The following BMPR1B variants were observed in gnomAD, a reference collection of about 807,000 sequenced individuals.
BMPR1B encodes bone morphogenetic protein receptor type-1B.
A neutral mutation model predicts 59.1 loss-of-function variants in BMPR1B; 12 were observed. The ratio of observed to expected loss-of-function variants is 0.20; its 90% CI spans 0.13 to 0.33. The LOEUF (loss-of-function observed/expected upper bound fraction) is 0.33. BMPR1B is among the 10% of genes least tolerant of loss of function. The probability of loss-of-function intolerance (pLI) is 1.00; values close to 1 mark genes in which losing one functional copy is unlikely to be tolerated. For synonymous variants in BMPR1B, 237 were observed against 207.3 expected (o/e 1.14, Z -1.23); for missense variants, 550 against 610.9 (o/e 0.90, Z 1.05).
chr4:95,083,124 A>G (rs1440413905), intron 3 of BMPR1B, among the ~76,000 whole-genome samples: 1 of 149,556 alleles, frequency 6.7e-6, no homozygotes, highest in African/African-American at 2.4e-5. Flanking sequence ...ACCTCATTTT[A>G]TTGATAAGGT....
intron 2 of BMPR1B, among the ~76,000 whole-genome samples, chr4:94,924,066 A>G (rs1363851891): frequency 6.6e-6 from 1 of 152,150 alleles, no homozygotes; most frequent in Non-Finnish European, 1.5e-5. Flanking sequence ...CATTTTTGGA[A>G]GAAATCCTTG....
intron 2 of BMPR1B, among the ~76,000 whole-genome samples, chr4:94,921,109 A>C (rs1290787910): frequency 6.6e-6 from 1 of 152,094 alleles, no homozygotes; most frequent in Non-Finnish European, 1.5e-5. Flanking sequence ...CTACACCCTC[A>C]CTAGGCCTTG....
At chr4:95,140,367 C>T (rs985568023) in intron 10 of BMPR1B, among the ~76,000 whole-genome samples, 1 of 152,176 alleles carries the variant, frequency 6.6e-6, no homozygotes, top group South Asian at 2.1e-4. Context: ...CGAAATCCCC[C>T]TTTCTAATCT....
intron 3 of BMPR1B, among the ~76,000 whole-genome samples, chr4:95,058,429 T>A (rs1217833808): frequency 1.3e-5 from 2 of 152,168 alleles, no homozygotes; most frequent in African/African-American, 4.8e-5. Context: ...GTCTTCACAG[T>A]TTTAATGGGA....
chr4:95,104,596 C>A (rs1315237485), intron 4 of BMPR1B, 29 bp downstream of exon 4: 7 of 1,612,486 alleles, frequency 4.3e-6, no homozygotes, highest in Non-Finnish European at 5.9e-6. Flanking sequence ...TTAAAGCTAG[C>A]TTTAACAAAA....
At chr4:94,833,688 T>A (rs942353682) in intron 1 of BMPR1B, among the ~76,000 whole-genome samples, 5 of 152,214 alleles carry the variant, frequency 3.3e-5, no homozygotes, top group Non-Finnish European at 7.3e-5. Flanking sequence ...TATAGAATTT[T>A]GAAAGGATGA....
intron 3 of BMPR1B, among the ~76,000 whole-genome samples, chr4:95,000,456 A>G (rs1237195965): frequency 6.6e-6 from 1 of 152,044 alleles, no homozygotes; most frequent in Non-Finnish European, 1.5e-5. Context: ...CAGTGAGCCA[A>G]GATCACCCCA....
At chr4:94,801,556 A>C (rs1273540462) in intron 1 of BMPR1B, among the ~76,000 whole-genome samples, 1 of 152,186 alleles carries the variant, frequency 6.6e-6, no homozygotes, top group Non-Finnish European at 1.5e-5. Context: ...CTAGTGGTTT[A>C]AATGTGTCAT....
At chr4:94,810,779 C>G (rs959104837) in intron 1 of BMPR1B, among the ~76,000 whole-genome samples, 2 of 152,108 alleles carry the variant, frequency 1.3e-5, no homozygotes, top group Admixed American at 6.5e-5. Flanking sequence ...GTCCTTTTCA[C>G]CCTTTGGTGT....
intron 1 of BMPR1B, among the ~76,000 whole-genome samples, chr4:94,863,258 A>G (rs1261685611): frequency 6.6e-6 from 1 of 152,212 alleles, no homozygotes; most frequent in Non-Finnish European, 1.5e-5. Flanking sequence ...GATGAAATAA[A>G]ACGTACACCA....
At chr4:95,021,854 T>G (rs1364326054) in intron 3 of BMPR1B, among the ~76,000 whole-genome samples, 1 of 152,252 alleles carries the variant, frequency 6.6e-6, no homozygotes, top group Non-Finnish European at 1.5e-5. Flanking sequence ...AACTGGTCTA[T>G]TCTCATGTAT....
At chr4:94,942,665 T>C (rs966105813) in intron 2 of BMPR1B, among the ~76,000 whole-genome samples, 1 of 152,256 alleles carries the variant, frequency 6.6e-6, no homozygotes, top group African/African-American at 2.4e-5. Flanking sequence ...TGTCATCTTA[T>C]AGCTGATACC....
chr4:94,971,333 T>C (rs1037646488), intron 2 of BMPR1B, among the ~76,000 whole-genome samples: 1 of 152,266 alleles, frequency 6.6e-6, no homozygotes, highest in East Asian at 1.9e-4. Flanking sequence ...ATTGAATTAA[T>C]CACTGCTAAA....
rs78924284 is a variant in BMPR1B, at chr4:94,910,076, G to T, written c.-113+34176G>T. Among the ~76,000 whole-genome samples the T allele has an allele frequency of 9.2e-3, 1,405 of 152,106 alleles. 27 individuals are homozygous for T. Among genetic ancestry groups the T allele is most frequent in the African/African-American group, 0.032 (1,318 of 41,512 alleles). ...AAACAAAAAAAAAGAGCCTTTAAAA[G>T]ACATTCTAGATACGTAAAGTTAGTT... On this transcript the variant is annotated intron_variant, in intron 2 of 12. Coordinates refer to ENST00000515059, the MANE Select transcript of BMPR1B (RefSeq NM_001203.3).
At chr4:94,761,423 G>C (rs1721761985) in intron 1 of BMPR1B, among the ~76,000 whole-genome samples, 1 of 58,430 alleles carries the variant, frequency 1.7e-5, no homozygotes, top group Admixed American at 1.6e-4. Flanking sequence ...TTCTGTGTGT[G>C]TGTGTGTGTG....
intron 2 of BMPR1B, among the ~76,000 whole-genome samples, chr4:94,970,822 T>G (rs764137480): frequency 6.6e-6 from 1 of 152,204 alleles, no homozygotes; most frequent in Non-Finnish European, 1.5e-5. Flanking sequence ...TATTATGAAA[T>G]ATGCGATGAT....
intron 1 of BMPR1B, among the ~76,000 whole-genome samples, chr4:94,836,858 C>G (rs184709384): frequency 1.3e-5 from 2 of 149,882 alleles, no homozygotes. Flanking sequence ...AATGGTATTG[C>G]CTAGGTTTTC....
chr4:94,917,232 C>A (rs1323416986), intron 2 of BMPR1B, among the ~76,000 whole-genome samples: 1 of 152,234 alleles, frequency 6.6e-6, no homozygotes, highest in Non-Finnish European at 1.5e-5. Flanking sequence ...AGCCCCCACA[C>A]AGCATTCCCA....
chr4:94,891,952 T>G (rs895707323), intron 2 of BMPR1B, among the ~76,000 whole-genome samples: 1 of 152,086 alleles, frequency 6.6e-6, no homozygotes, highest in African/African-American at 2.4e-5. Context: ...AAGTACTTAA[T>G]TTTTTAATTT....
Sources: gnomAD v4.1 joint callset for allele counts (sites outside exome capture counted in the v4.1 genomes callset) on GRCh38, gnomAD v4.1.1 for gene constraint, MANE v1.5 for transcripts, NCBI Gene and HGNC (gene_info 2026-07-23, HGNC 2026-07-21) for gene names.